Variants in LPIN1 observed in about 807,000 individuals in gnomAD.
LPIN1 encodes the protein lipin 1.
A neutral mutation model predicts 107.5 loss-of-function variants in LPIN1; 71 were observed. The observed-to-expected ratio is 0.66, with a 90% CI of 0.55 to 0.80. The LOEUF is 0.80. Ranked by LOEUF, LPIN1 falls within the 30% of genes least tolerant of loss-of-function variation. The pLI is 0.00. For synonymous variants in LPIN1, 445 were observed against 452.6 expected (o/e 0.98, Z 0.21); for missense variants, 1,043 against 1,160.6 (o/e 0.90, Z 1.47).
chr2:11,683,305 T>G (rs1257956969), intron 1 of LPIN1: 1 of 152,206 alleles, frequency 6.6e-6, no homozygotes, highest in African/African-American at 2.4e-5. Context: ...AAGAACCACA[T>G]AAAATAATGC....
At chr2:11,720,390 A>G (rs114896210), upstream of LPIN1, among the ~76,000 whole-genome samples, 827 of 152,292 alleles carry the variant, frequency 5.4e-3, 5 homozygotes, top group African/African-American at 0.019. Context: ...CTCCTATAGC[A>G]TCTGTCTGCT....
At chr2:11,819,388 T>G in intron 18 of LPIN1, 96 bp from the exon 19 acceptor site, 1 of 837,288 alleles carries the variant, frequency 1.2e-6, no homozygotes. Flanking sequence ...AGATTTGAGT[T>G]TTCTCAGTGT....
intron 1 of LPIN1, among the ~76,000 whole-genome samples, chr2:11,688,128 A>G (rs1662098473): frequency 6.6e-6 from 1 of 152,222 alleles, no homozygotes; most frequent in Non-Finnish European, 1.5e-5. Context: ...CCGACGCGGA[A>G]TTCTTGTTAT....
chr2:11,805,040 C>G, intron 16 of LPIN1, 30 bp from the exon 17 acceptor site: 1 of 1,287,566 alleles, frequency 7.8e-7, no homozygotes, highest in Non-Finnish European at 1.1e-6. Flanking sequence ...GGGATTTTTA[C>G]TTTATTTTTC....
upstream of LPIN1, chr2:11,742,079 A>T (rs1174230905): frequency 1.3e-5 from 2 of 152,134 alleles, no homozygotes; most frequent in Non-Finnish European, 2.9e-5. Flanking sequence ...GACAGCACTC[A>T]GCCACGTGGC....
At chr2:11,759,533 A>C (rs1169744697) in intron 1 of LPIN1, among the ~76,000 whole-genome samples, 1 of 152,248 alleles carries the variant, frequency 6.6e-6, no homozygotes, top group Non-Finnish European at 1.5e-5. Context: ...CCAAGGCAGA[A>C]GAATTTTTCT....
intron 9 of LPIN1, chr2:11,784,360 T>C (rs1007520751): frequency 6.8e-5 from 76 of 1,122,320 alleles, no homozygotes; most frequent in Middle Eastern, 4.2e-4. Flanking sequence ...TCCCATTGCC[T>C]TGTGAAATGC....
intron 14 of LPIN1, among the ~76,000 whole-genome samples, chr2:11,795,787 A>G (rs1457834221): frequency 6.6e-6 from 1 of 152,258 alleles, no homozygotes; most frequent in Non-Finnish European, 1.5e-5. Flanking sequence ...GATGATGACA[A>G]TAATAACAGT....
At chr2:11,790,734 G>T (rs748152857) in intron 12 of LPIN1, among the ~76,000 whole-genome samples, 4 of 152,300 alleles carry the variant, frequency 2.6e-5, no homozygotes, top group African/African-American at 7.2e-5. Flanking sequence ...TGTGAATTTA[G>T]ATTTATTTCT....
chr2:11,748,371 AGTT>A (rs1464172720), intron 1 of LPIN1, among the ~76,000 whole-genome samples: 2 of 152,238 alleles, frequency 1.3e-5, no homozygotes, highest in African/African-American at 2.4e-5. Flanking sequence ...TGGGCTTTGC[AGTT>A]GTTGTTCTGA....
At chr2:11,677,569 C>A, upstream of LPIN1, 2 of 1,098,764 alleles carry the variant, frequency 1.8e-6, no homozygotes, top group East Asian at 2.6e-5. Flanking sequence ...AGCCTCCCAG[C>A]TTCTGAGCCG....
rs370081226 is a variant in LPIN1, at chr2:11,728,505, C to A, written c.-72+3966C>A. Among the ~76,000 whole-genome samples, 32 of 152,318 alleles carry A rather than the reference C, an allele frequency of 2.1e-4. 1 individual carries two copies. The highest frequency in any genetic ancestry group is 1.2e-3 in the Admixed American group (19 of 15,308). On this transcript the variant is annotated intron_variant, in intron 1 of 21. Coordinates refer to the LPIN1 transcript ENST00000396097. ...TTCCAAGCAACCCTCCCACCTCAGC[C>A]TCCCAAGTAGCTGGGACCACAGATG...
chr2:11,686,957 C>T (rs763914334), intron 1 of LPIN1, among the ~76,000 whole-genome samples: 32 of 150,508 alleles, frequency 2.1e-4, no homozygotes, highest in Non-Finnish European at 3.8e-4. Flanking sequence ...TCCCTCCCAG[C>T]ATTCTGAATC....
chr2:11,740,300 T>C (rs1400399301), intron 1 of LPIN1, among the ~76,000 whole-genome samples: 1 of 152,156 alleles, frequency 6.6e-6, no homozygotes, highest in Non-Finnish European at 1.5e-5. Context: ...CTGATCCAAA[T>C]GCCAACCTCT....
chr2:11,782,187 C>T lies in LPIN1; in HGVS notation c.958-14C>T, dbSNP rs1673678195. 2.5e-6 allele frequency: 4 copies of T among 1,604,860 alleles called. No individual in the cohort carries two copies. In the Admixed American group the frequency reaches 5.0e-5, roughly 20 times the overall value. On this transcript the variant is annotated splice_polypyrimidine_tract_variant and intron_variant, in intron 7 of 20. Coordinates refer to ENST00000674199, the MANE Select transcript of LPIN1 (RefSeq NM_001349206.2). ...CTTGTCTCTCTCTCTGTCCCTCTCT[C>T]CTCTTTGCTCTAGTCTTCTTCTCCA...
At chr2:11,778,252 C>T (rs1453826883) in intron 6 of LPIN1, among the ~76,000 whole-genome samples, 2 of 152,160 alleles carry the variant, frequency 1.3e-5, no homozygotes, top group Non-Finnish European at 2.9e-5. Flanking sequence ...CAGGAGCCTC[C>T]TCTCCCCAGG....
chr2:11,744,032 A>C (rs1406692641), upstream of LPIN1, among the ~76,000 whole-genome samples: 1 of 152,228 alleles, frequency 6.6e-6, no homozygotes, highest in Non-Finnish European at 1.5e-5. Flanking sequence ...TGCCTTTTTC[A>C]TCCTCAAAGC....
intron 20 of LPIN1, 80 bp from the exon 21 acceptor site, chr2:11,824,552 T>A (rs891589533): frequency 1.4e-6 from 2 of 1,432,048 alleles, no homozygotes; most frequent in Non-Finnish European, 2.0e-6. Flanking sequence ...AGGTTGTAGA[T>A]CTCTCTTGAC....
chr2:11,815,430 C>T (rs532922554), intron 18 of LPIN1, among the ~76,000 whole-genome samples, 190 bp downstream of exon 18: 8 of 152,324 alleles, frequency 5.3e-5, no homozygotes, highest in East Asian at 3.9e-4. Flanking sequence ...GCTTTCAGGC[C>T]GAGTCCAGAC....
Sources: allele counts gnomAD v4.1 joint callset (sites outside exome capture counted in the v4.1 genomes callset), GRCh38; gene constraint gnomAD v4.1.1; transcripts MANE v1.5; gene names NCBI Gene and HGNC (gene_info 2026-07-23, HGNC 2026-07-21).